DNAAF10: variants seen among roughly 807,000 people sequenced by gnomAD.
The protein encoded by DNAAF10 is dynein axonemal assembly factor 10.
DNAAF10 carries 28 observed loss-of-function variants against 43.7 expected under a neutral mutation model. The observed-to-expected ratio is 0.64, with a 90% CI of 0.48 to 0.88. The LOEUF is 0.88. Among genes scored for constraint, DNAAF10 ranks in the 40% least tolerant of loss-of-function variants. The pLI, the probability that DNAAF10 is intolerant of heterozygous loss-of-function variation, is 0.00. For missense variants in DNAAF10, 403 were observed against 439.1 expected (o/e 0.92, Z 0.73); for synonymous variants, 156 against 157.3 (o/e 0.99, Z 0.06).
chr2:68,150,043 G>A (rs1673415327), intron 1 of DNAAF10, among the ~76,000 whole-genome samples: 1 of 152,176 alleles, frequency 6.6e-6, no homozygotes, highest in African/African-American at 2.4e-5. Flanking sequence ...ACCAGCTAAA[G>A]CATTCTGCTT....
intron 1 of DNAAF10, among the ~76,000 whole-genome samples, chr2:68,153,752 T>G (rs904943694): frequency 3.4e-5 from 5 of 144,928 alleles, no homozygotes; most frequent in Non-Finnish European, 7.6e-5. Flanking sequence ...GAAGTTTTTT[T>G]TTTTTTTTTT....
chr2:68,145,912 T>C (rs1315227178), intron 2 of DNAAF10, among the ~76,000 whole-genome samples: 1 of 152,236 alleles, frequency 6.6e-6, no homozygotes, highest in Non-Finnish European at 1.5e-5. Context: ...TGACTATACA[T>C]GAAATATAAT....
intron 1 of DNAAF10, among the ~76,000 whole-genome samples, chr2:68,148,043 C>T (rs1159067804): frequency 2.0e-5 from 3 of 152,200 alleles, no homozygotes; most frequent in Non-Finnish European, 4.4e-5. Context: ...GATTTATAAA[C>T]TTGTGTGTAC....
chr2:68,147,191 T>C (rs1426291599), intron 2 of DNAAF10, among the ~76,000 whole-genome samples: 4 of 152,180 alleles, frequency 2.6e-5, no homozygotes, highest in Non-Finnish European at 4.4e-5. Flanking sequence ...TATTTACAAA[T>C]ACATGGCATT....
In DNAAF10 at chr2:68,141,731, T is replaced by C. The variant is rs1187602536; in HGVS notation, c.480A>G (p.Gln160=). ...TCCAACAGTCTCTCTTGTTTTCTCC[T>C]TGTACAGGTTCCATATTAGCAACAG... ...DDPVANMEPV[Q]GENKRDCWTV... Residue 160 remains glutamine (Q), a synonymous_variant, in exon 4 of 8, where the codon CAA becomes CAG. Coordinates refer to ENST00000295121, the MANE Select transcript of DNAAF10 (RefSeq NM_138458.4). The C allele has an allele frequency of 5.0e-6, 8 of 1,614,196 alleles. No individual in the cohort carries two copies. The highest frequency in any genetic ancestry group is 4.5e-5 in the East Asian group (2 of 44,874).
intron 2 of DNAAF10, among the ~76,000 whole-genome samples, chr2:68,146,359 C>G (rs1673316493): frequency 6.6e-6 from 1 of 152,106 alleles, no homozygotes; most frequent in African/African-American, 2.4e-5. Context: ...GATTGTGGTT[C>G]TACTTGAAAT....
At chr2:68,134,459 T>G (rs1039184045) in intron 7 of DNAAF10, 2 of 1,274,418 alleles carry the variant, frequency 1.6e-6, no homozygotes, top group Non-Finnish European at 2.0e-6. Context: ...TTTTCATACT[T>G]AGAAGACACA....
intron 1 of DNAAF10, among the ~76,000 whole-genome samples, chr2:68,151,874 C>T (rs910349610): frequency 6.6e-6 from 1 of 152,218 alleles, no homozygotes; most frequent in African/African-American, 2.4e-5. Context: ...ACACTGCAAA[C>T]TAAGTGTTCA....
intron 6 of DNAAF10, among the ~76,000 whole-genome samples, chr2:68,136,216 T>C (rs1289721074): frequency 1.8e-4 from 20 of 108,920 alleles, no homozygotes; most frequent in African/African-American, 6.5e-4. Flanking sequence ...AGATTCTGTC[T>C]CCAGAAAAAA....
At chr2:68,149,948 T>C (rs938209081) in intron 1 of DNAAF10, among the ~76,000 whole-genome samples, 1 of 152,190 alleles carries the variant, frequency 6.6e-6, no homozygotes, top group African/African-American at 2.4e-5. Flanking sequence ...TGTGAAGAAC[T>C]TGCATCATCT....
At chr2:68,138,898 A>G in intron 4 of DNAAF10, 41 bp from the exon 5 acceptor site, 13 of 1,407,786 alleles carry the variant, frequency 9.2e-6, no homozygotes, top group Non-Finnish European at 1.2e-5. Context: ...TTATAAATGC[A>G]TCCTTATAAA....
intron 5 of DNAAF10, 56 bp downstream of exon 5, chr2:68,138,686 C>G: frequency 7.8e-7 from 1 of 1,281,432 alleles, no homozygotes; most frequent in South Asian, 1.2e-5. Context: ...TGTAATAGTT[C>G]AGAGGTGAAT....
chr2:68,143,605 CT>C (rs1161703438), intron 3 of DNAAF10, among the ~76,000 whole-genome samples: 1 of 151,962 alleles, frequency 6.6e-6, no homozygotes, highest in Non-Finnish European at 1.5e-5. Context: ...AAACCAAAGG[CT>C]TATAAGGGAA....
intron 7 of DNAAF10, among the ~76,000 whole-genome samples, chr2:68,133,217 G>GTTGTTTGT (rs893613421): frequency 6.6e-6 from 1 of 152,014 alleles, no homozygotes; most frequent in Admixed American, 6.6e-5. Flanking sequence ...AACCATATTG[G>GTTGTTTGT]TTGTTTGTTT....
At chr2:68,157,006 G>A in intron 1 of DNAAF10, 1 of 564,084 alleles carries the variant, frequency 1.8e-6, no homozygotes, top group Non-Finnish European at 3.1e-6. Context: ...CCACACTGCA[G>A]GCATCCTGGT....
rs1357443167 is a variant in DNAAF10, at chr2:68,147,524, G to C, written c.227C>G (p.Thr76Arg). 6.2e-7 allele frequency: 1 copy of C among 1,611,868 alleles called. No homozygotes were observed. The highest frequency in any genetic ancestry group is 8.5e-7 in the Non-Finnish European group (1 of 1,179,022). Reference protein sequence around the residue: ...KPIKCGTFGATSLQQRYLATG... With the variant: ...KPIKCGTFGARSLQQRYLATG... ...AGCTAAATATCTCTGCTGTAAAGAT[G>C]TTGCACCAAATGTTCCACATTTAAT... The change falls in exon 2 of 8, where the codon ACA (threonine) becomes AGA (arginine). Residue 76 changes from threonine to arginine, a missense_variant. Physicochemically the swap from Thr to Arg is moderately conservative, Grantham distance 71 (BLOSUM62 -1). Coordinates refer to ENST00000295121, the MANE Select transcript of DNAAF10 (RefSeq NM_138458.4).
At chr2:68,154,436 C>T (rs1269318099) in intron 1 of DNAAF10, among the ~76,000 whole-genome samples, 10 of 151,140 alleles carry the variant, frequency 6.6e-5, no homozygotes, top group South Asian at 2.1e-4. Flanking sequence ...TTAGTAGAGA[C>T]GGGGTTTCAC....
chr2:68,136,392 T>G (rs1317636163), intron 6 of DNAAF10, among the ~76,000 whole-genome samples: 12 of 152,132 alleles, frequency 7.9e-5, no homozygotes, highest in Non-Finnish European at 1.8e-4. Flanking sequence ...CAAACCAATA[T>G]TATAATTTAT....
In DNAAF10 at chr2:68,157,272, G is replaced by A. The variant is rs768390641; in HGVS notation, c.172C>T (p.Leu58=). ...LYEIQHGDLK[L]LREIEKAKPI... ...GACCCGGCACCCACCTCCCGAAGCA[G>A]CTTCAGGTCCCCGTGCTGGATCTCG... Residue 58 remains leucine, a synonymous_variant, in exon 1 of 8, where the codon CTG becomes TTG. Transcript: ENST00000295121. The A allele has an allele frequency of 1.2e-6, 2 of 1,613,590 alleles. No individual in the cohort carries two copies. The highest frequency in any genetic ancestry group is 3.3e-5 in the Admixed American group (2 of 59,990).
Sources: allele counts gnomAD v4.1 joint callset (sites outside exome capture counted in the v4.1 genomes callset), GRCh38; gene constraint gnomAD v4.1.1; transcripts MANE v1.5; gene names NCBI Gene and HGNC (gene_info 2026-07-23, HGNC 2026-07-21).